MMAA: variants seen among roughly 807,000 people sequenced by gnomAD.
The protein encoded by MMAA is metabolism of cobalamin associated A.
Under a neutral mutation model 45.0 loss-of-function variants are expected in MMAA, and 41 were observed. That is an observed-to-expected ratio of 0.91 (90% confidence interval 0.71 to 1.18). MMAA has a LOEUF of 1.18. Ranked by LOEUF, MMAA falls within the 50% of genes most tolerant of loss-of-function variation. MMAA has a pLI of 0.00. For synonymous variants in MMAA, 154 were observed against 178.2 expected (o/e 0.86, Z 1.08); for missense variants, 460 against 495.7 (o/e 0.93, Z 0.68).
At chr4:145,655,087 C>G in intron 6 of MMAA, 60 bp from the exon 7 acceptor site, 5 of 1,589,612 alleles carry the variant, frequency 3.1e-6, no homozygotes, top group Non-Finnish European at 3.4e-6. Context: ...TATCAGCGTC[C>G]CTGTAAAAAT....
rs1728191370 is a variant in MMAA, at chr4:145,655,173, A to T, written c.996A>T (p.Gly332=). ...TAATTCGTATTTCTGCCCGAAGTGG[A>T]GAGGGGATCTCTGAAATGTGGGATA... ...PKVIRISARS[G]EGISEMWDKM... The change falls in exon 7 of 7, where the codon GGA becomes GGT. Residue 332 remains glycine (G), a synonymous_variant. Transcript: ENST00000649156. 2 of 1,614,122 alleles carry T rather than the reference A, an allele frequency of 1.2e-6. No individual in the cohort carries two copies. The highest frequency in any genetic ancestry group is 1.7e-6 in the Non-Finnish European group (2 of 1,179,986).
chr4:145,632,875 G>A (rs113023633), intron 1 of MMAA, among the ~76,000 whole-genome samples: 2,652 of 151,532 alleles, frequency 0.018, 78 homozygotes, highest in African/African-American at 0.061. Context: ...CTGTCACCTC[G>A]GCCTCCTGAG....
chr4:145,644,450 T>TAACATTATGTGGAAAGATATGTGGA (rs1560798246), intron 3 of MMAA, among the ~76,000 whole-genome samples: 2 of 152,208 alleles, frequency 1.3e-5, no homozygotes, highest in Non-Finnish European at 2.9e-5. Context: ...TTTCAATCTT[T>TAACATTATGTGGAAAGATATGTGGA]AACATTATGT....
In MMAA at chr4:145,655,542, CTTCT is replaced by C; in HGVS notation, c.*111_*114del. On this transcript the variant is annotated 3_prime_UTR_variant, in exon 7 of 7. Transcript: ENST00000649156. ...AGTAATTATTGTATGGTGCTCTTGT[CTTCT>C]TTGTTTGTGACCCATGCTTGAAAAC... 6 of 1,103,198 alleles carry C rather than the reference CTTCT, an allele frequency of 5.4e-6. No homozygotes were observed. The highest frequency in any genetic ancestry group is 7.6e-6 in the Non-Finnish European group (6 of 787,214). The allele number at this position is 1,103,198 out of a possible 1,614,324, so 68.3% of individuals were successfully genotyped here. A position where few individuals can be genotyped will look rare whatever the true frequency, so the allele number is the denominator to read the frequency against.
In MMAA at chr4:145,655,632, T is replaced by C. The variant is rs1266948063; in HGVS notation, c.*198T>C. ...CAGTATTTATAAGGTACCTGTTTTA[T>C]GTTACTGATATCTGTTTCCTTCTCT... On this transcript the variant is annotated 3_prime_UTR_variant, in exon 7 of 7. Transcript: ENST00000649156. 2 of 540,608 alleles carry C rather than the reference T, an allele frequency of 3.7e-6. No homozygotes were observed. Among genetic ancestry groups the C allele is most frequent in the Non-Finnish European group, 6.4e-6 (2 of 311,062 alleles). The allele number at this position is 540,608 out of a possible 1,614,324, so 33.5% of individuals were successfully genotyped here.
At chr4:145,647,504 A>G (rs1323720199) in intron 4 of MMAA, among the ~76,000 whole-genome samples, 1 of 152,234 alleles carries the variant, frequency 6.6e-6, no homozygotes, top group Non-Finnish European at 1.5e-5. Flanking sequence ...TAGGGCTGCC[A>G]TAGCAAAATA....
At chr4:145,648,442 G>A (rs929976762) in intron 4 of MMAA, among the ~76,000 whole-genome samples, 3 of 152,018 alleles carry the variant, frequency 2.0e-5, no homozygotes, top group Non-Finnish European at 4.4e-5. Context: ...TACCGCACCC[G>A]GCCTAACTTA....
At chr4:145,651,021 T>A in intron 4 of MMAA, 41 bp from the exon 5 acceptor site, 1 of 1,547,708 alleles carries the variant, frequency 6.5e-7, no homozygotes, top group South Asian at 1.1e-5. Context: ...AGTCAAATAA[T>A]GGTGAGTATT....
chr4:145,641,925 T>C (rs573993223), intron 2 of MMAA, among the ~76,000 whole-genome samples: 101 of 152,354 alleles, frequency 6.6e-4, no homozygotes, highest in African/African-American at 2.4e-3. Context: ...AAAATTGCTT[T>C]CTCAATCACT....
At chr4:145,649,248 C>T (rs1224301363) in intron 4 of MMAA, among the ~76,000 whole-genome samples, 1 of 152,092 alleles carries the variant, frequency 6.6e-6, no homozygotes, top group Non-Finnish European at 1.5e-5. Context: ...CAGTGAGCCA[C>T]GATCGTGCCA....
chr4:145,624,496 A>G (rs1734156358), intron 1 of MMAA: 2 of 986,004 alleles, frequency 2.0e-6, no homozygotes, highest in Admixed American at 2.1e-5. Flanking sequence ...CCTTCTTTGT[A>G]TGGGGGCCTG....
At chr4:145,638,473 C>T (rs1483678462) in intron 1 of MMAA, among the ~76,000 whole-genome samples, 1 of 152,144 alleles carries the variant, frequency 6.6e-6, no homozygotes, top group Non-Finnish European at 1.5e-5. Flanking sequence ...AAATAAGCAC[C>T]CAGGTGGCTC....
At chr4:145,623,620 C>T (rs1247676531) in intron 1 of MMAA, among the ~76,000 whole-genome samples, 1 of 152,096 alleles carries the variant, frequency 6.6e-6, no homozygotes, top group African/African-American at 2.4e-5. Context: ...TTGGTAATCA[C>T]TATTGGCCAG....
At chr4:145,624,253 T>G in intron 1 of MMAA, 1 of 802,300 alleles carries the variant, frequency 1.2e-6, no homozygotes, top group South Asian at 1.3e-5. Flanking sequence ...GAGGCCATAA[T>G]GGTCTGGGGG....
chr4:145,641,322 AGT>A (rs1246553456), intron 2 of MMAA, among the ~76,000 whole-genome samples: 1 of 152,236 alleles, frequency 6.6e-6, no homozygotes, highest in African/African-American at 2.4e-5. Flanking sequence ...GTGCTATTCC[AGT>A]TCTTCCATCT....
rs1308875096 is a variant in MMAA, at chr4:145,648,164, T to A, written c.733+2008T>A. 3.2e-3 allele frequency among the ~76,000 whole-genome samples: 462 copies of A among 146,596 alleles called. 3 individuals carry two copies. The highest frequency in any genetic ancestry group is 0.011 in the African/African-American group (435 of 39,428). On this transcript the variant is annotated intron_variant, in intron 4 of 6. Coordinates refer to ENST00000649156, the MANE Select transcript of MMAA (RefSeq NM_172250.3). ...TGCCTGGCCTTTTTTTTTTTTTTTT[T>A]AAAGACAGAGTCTCGCTCTGTTGTC... is the stretch of plus-strand genomic sequence containing the variant.
chr4:145,624,363 C>T lies in MMAA; in HGVS notation c.-66+4956C>T. 5.1e-6 allele frequency: 4 copies of T among 782,016 alleles called. No homozygotes were observed. The Admixed American group carries it at 5.2e-5, about 10-fold the overall frequency. 48.4% of individuals were successfully genotyped at this position (782,016 alleles called of 1,614,324 possible). A position where few individuals can be genotyped will look rare whatever the true frequency, so the allele number is the denominator to read the frequency against. ...TCCAGAGGATAGCTGGCTGAGGTTG[C>T]CCATCTTCTTTCCCAGCAGGAGCCA... On this transcript the variant is annotated intron_variant, in intron 1 of 6. Coordinates refer to ENST00000649156, the MANE Select transcript of MMAA (RefSeq NM_172250.3).
At chr4:145,632,969 C>T (rs796801015) in intron 1 of MMAA, among the ~76,000 whole-genome samples, 6 of 151,666 alleles carry the variant, frequency 4.0e-5, no homozygotes, top group African/African-American at 1.2e-4. Flanking sequence ...CAGCTGGTCT[C>T]GAACTGGGTT....
At chr4:145,651,189 A>G in intron 5 of MMAA, 42 bp downstream of exon 5, 5 of 1,521,642 alleles carry the variant, frequency 3.3e-6, no homozygotes, top group Non-Finnish European at 4.5e-6. Flanking sequence ...TAAAATGTAT[A>G]TCTCTGAAAA....
Sources: gnomAD v4.1 joint callset for allele counts (sites outside exome capture counted in the v4.1 genomes callset) on GRCh38, gnomAD v4.1.1 for gene constraint, MANE v1.5 for transcripts, NCBI Gene and HGNC (gene_info 2026-07-23, HGNC 2026-07-21) for gene names.